PIK3R2: variants seen among roughly 807,000 people sequenced by gnomAD.
The protein encoded by PIK3R2 is phosphatidylinositol 3-kinase regulatory subunit beta.
PIK3R2 carries 40 observed loss-of-function variants against 78.5 expected under a neutral mutation model. The ratio of observed to expected loss-of-function variants is 0.51; its 90% confidence interval spans 0.40 to 0.66. The LOEUF (loss-of-function observed/expected upper bound fraction) is 0.66. Among genes scored for constraint, PIK3R2 ranks in the 30% least tolerant of loss-of-function variants. The pLI is 0.00. For missense variants in PIK3R2, 880 were observed against 1,026.6 expected, an observed-to-expected ratio of 0.86 and a Z score of 1.95; for synonymous variants, 473 against 457.7, an observed-to-expected ratio of 1.03 and a Z score of -0.43.
chr19:18,165,362 CAAAAAAAA>C (rs33933785), intron 11 of PIK3R2, among the ~76,000 whole-genome samples: 2 of 80,986 alleles, frequency 2.5e-5, no homozygotes, highest in African/African-American at 5.2e-5. Context: ...GACTCCGTCT[CAAAAAAAA>C]AAAAAAAAAA....
chr19:18,161,206 G>T lies in PIK3R2; in HGVS notation c.598+21G>T. 1 of 1,535,916 alleles carries T rather than the reference G, an allele frequency of 6.5e-7. No homozygotes were observed. Among genetic ancestry groups the T allele is most frequent in the Non-Finnish European group, 8.8e-7 (1 of 1,142,044 alleles). On this transcript the variant is annotated intron_variant, in intron 5 of 15. Transcript: ENST00000222254. The surrounding 1 kb of genome is among the most constrained non-coding windows in gnomAD (Gnocchi z 5.3). ...GCGGGGTGAGCCTGGCGGGTAGCCC[G>T]GGGGAAGGAGGGGGCTGTAGCGGGT...
Position 18,169,707 on chromosome 19 carries a change from A to C in PIK3R2, c.*413A>C. The C allele has an allele frequency of 4.7e-6, 1 of 212,542 alleles. No homozygotes were observed. The highest frequency in any genetic ancestry group is 9.5e-6 in the Non-Finnish European group (1 of 105,116). 13.2% of individuals were successfully genotyped at this position (212,542 alleles called of 1,614,324 possible). A position where few individuals can be genotyped will look rare whatever the true frequency, so the allele number is the denominator to read the frequency against. On this transcript the variant is annotated 3_prime_UTR_variant, in exon 16 of 16. Coordinates refer to ENST00000222254, the MANE Select transcript of PIK3R2 (RefSeq NM_005027.4). ...TGGGCTGCGCGGCCCCAGCCTGGGC[A>C]CCCTGATTTTTAAGCCATAGACCTG...
In PIK3R2 at chr19:18,163,353, G is replaced by T; in HGVS notation, c.1381G>T (p.Asp461Tyr). ...QQYQDKSREY[D>Y]QLYEEYTRTS... ...GTACCAGGACAAGAGCCGCGAGTAT[G>T]ACCAGCTTTATGAAGAGTACACACG... Residue 461 changes from aspartate (D) to tyrosine (Y), a missense_variant, in exon 11 of 16, where the codon GAC becomes TAC. Around this residue, in one of 3 missense-constraint regions of PIK3R2, gnomAD observed 156 missense variants for 241.0 expected, o/e 0.65. Coordinates refer to ENST00000222254, the MANE Select transcript of PIK3R2 (RefSeq NM_005027.4). The T allele has an allele frequency of 1.2e-6, 2 of 1,614,062 alleles. No individual in the cohort carries two copies. The highest frequency in any genetic ancestry group is 2.2e-5 in the South Asian group (2 of 91,052).
chr19:18,158,205 C>T lies in PIK3R2; in HGVS notation c.322+2004C>T, dbSNP rs114985659. 1.4e-3 allele frequency among the ~76,000 whole-genome samples: 214 copies of T among 152,176 alleles called. 1 individual carries two copies. The highest frequency in any genetic ancestry group is 5.0e-3 in the African/African-American group (207 of 41,528). The stretch of plus-strand genomic sequence containing the variant: ...TTTGTTTGCATCAAGAAGGGAGAAG[C>T]GGGCCGGGCACAGTGGTTCATGCCT... On this transcript the variant is annotated intron_variant, in intron 2 of 15. Coordinates refer to ENST00000222254, the MANE Select transcript of PIK3R2 (RefSeq NM_005027.4).
chr19:18,168,733 G>T lies in PIK3R2; in HGVS notation c.1816G>T (p.Ala606Ser), dbSNP rs369303652. ...GIKNETEDQYALMEDEDDLPH... is the reference protein window; with the variant it reads ...GIKNETEDQYSLMEDEDDLPH... The stretch of plus-strand genomic sequence containing the variant: ...CACCGCCCCCCACCCCAGCCAGTAC[G>T]CACTCATGGAGGACGAGGACGATCT... Residue 606 changes from alanine to serine, a missense_variant, in exon 15 of 16, where the codon GCA (alanine) becomes TCA (serine). This residue lies in a region of PIK3R2 where 268 missense variants were observed against 299.1 expected (regional missense o/e 0.90). Coordinates refer to ENST00000222254, the MANE Select transcript of PIK3R2 (RefSeq NM_005027.4). This position sits in a 1 kb window ranked among gnomAD's most constrained non-coding sequence, Gnocchi z 4.1. The T allele has an allele frequency of 1.3e-6, 2 of 1,545,180 alleles. No individual in the cohort carries two copies. Among genetic ancestry groups the T allele is most frequent in the Non-Finnish European group, 1.8e-6 (2 of 1,124,668 alleles).
In PIK3R2 at chr19:18,160,580, C is replaced by CT. The variant is rs200295171; in HGVS notation, c.415+18dup. On this transcript the variant is annotated intron_variant, in intron 3 of 15. Coordinates refer to ENST00000222254, the MANE Select transcript of PIK3R2 (RefSeq NM_005027.4). ...AAAGGACAGGTAAGTTCCAGCCTGGCTGCAGCCCCTGGATTCTGCTTGCTT... is the reference window on the plus strand; with the variant it reads ...AAAGGACAGGTAAGTTCCAGCCTGGCTTGCAGCCCCTGGATTCTGCTTGCTT... 13,530 of 1,580,566 alleles carry CT rather than the reference C, an allele frequency of 8.6e-3. 58 individuals carry two copies. Among genetic ancestry groups the CT allele is most frequent in the Non-Finnish European group, 0.01 (11,818 of 1,151,972 alleles).
Position 18,161,967 on chromosome 19 carries a change from A to T in PIK3R2, c.817A>T (p.Ser273Cys), listed in dbSNP as rs147990742. The change falls in exon 7 of 16, where the codon AGT (serine) becomes TGT (cysteine). Residue 273 changes from serine to cysteine, a missense_variant and splice_region_variant. Transcript: ENST00000222254. The surrounding 1 kb of genome is among the most constrained non-coding windows in gnomAD (Gnocchi z 5.3). The part of the protein sequence containing the change: ...SPPPGGAPDG[S>C]EPSPDFPALL... ...CACCACACTCCCCTTCCCCCTAAGG[A>T]GTGAGCCCAGCCCTGACTTCCCGGC... is the stretch of plus-strand genomic sequence containing the variant. 4.0e-4 allele frequency: 650 copies of T among 1,613,712 alleles called. 3 individuals carry two copies. The highest frequency in any genetic ancestry group is 2.2e-3 in the Admixed American group (134 of 60,002).
At position 18,167,583 on chromosome 19, in the gene PIK3R2, A is replaced by G. The variant is rs575654339; in HGVS notation, c.1736+277A>G. Among the ~76,000 whole-genome samples, 37 of 152,096 alleles carry G rather than the reference A, an allele frequency of 2.4e-4. No individual in the cohort carries two copies. Among genetic ancestry groups the G allele is most frequent in the African/African-American group, 6.3e-4 (26 of 41,478 alleles). On this transcript the variant is annotated intron_variant, in intron 13 of 15. Transcript: ENST00000222254. This position sits in a 1 kb window ranked among gnomAD's most constrained non-coding sequence, Gnocchi z 4.5. ...AAAAATTCCTGCTGGGCTGGGCGCA[A>G]TGGCTCACACCTGTAATCCCAGCAC... is the stretch of plus-strand genomic sequence containing the variant.
intron 1 of PIK3R2, among the ~76,000 whole-genome samples, chr19:18,154,722 G>A (rs781475711): frequency 6.6e-6 from 1 of 151,994 alleles, no homozygotes; most frequent in African/African-American, 2.4e-5. Flanking sequence ...CCTACTGCAC[G>A]GCCCTAGATA....
intron 11 of PIK3R2, among the ~76,000 whole-genome samples, chr19:18,164,072 G>A (rs2043781968): frequency 6.7e-6 from 1 of 150,286 alleles, no homozygotes; most frequent in Non-Finnish European, 1.5e-5. Flanking sequence ...ATTGCAATGA[G>A]CCAAGATCGT....
rs1967158448 is a variant in PIK3R2, at chr19:18,170,377, T to C, written c.*1083T>C. On this transcript the variant is annotated 3_prime_UTR_variant, in exon 16 of 16. Transcript: ENST00000222254. ...GATCATGTTGGGTTTTGATTCTGTT[T>C]TTCCTTGACTGCAAAACCCTCTTTC... 6.6e-6 allele frequency: 1 copy of C among 152,104 alleles called. No individual in the cohort carries two copies. The highest frequency in any genetic ancestry group is 2.1e-4 in the South Asian group (1 of 4,830). The allele number at this position is 152,104 out of a possible 1,614,324, so 9.4% of individuals were successfully genotyped here.
At position 18,167,139 on chromosome 19, in the gene PIK3R2, G is replaced by A. The variant is rs1309795760; in HGVS notation, c.1569G>A (p.Leu523=). 1 of 1,586,124 alleles carries A rather than the reference G, an allele frequency of 6.3e-7. No individual in the cohort carries two copies. Among genetic ancestry groups the A allele is most frequent in the East Asian group, 2.3e-5 (1 of 43,492 alleles). The change falls in exon 13 of 16, where the codon CTG becomes CTA. Residue 523 remains leucine, a synonymous_variant. Coordinates refer to ENST00000222254, the MANE Select transcript of PIK3R2 (RefSeq NM_005027.4). This position sits in a 1 kb window ranked among gnomAD's most constrained non-coding sequence, Gnocchi z 4.5. ...CCCACCCCTCCCACAGGATCCTGCT[G>A]AACTCCGAGCGGCTCAAGTCCCGCA... ...GNEKEMQRIL[L]NSERLKSRIA...
chr19:18,161,356 C>G lies in PIK3R2; in HGVS notation c.676C>G (p.Leu226Val). 5 of 1,305,254 alleles carry G rather than the reference C, an allele frequency of 3.8e-6. No homozygotes were observed. The highest frequency in any genetic ancestry group is 4.9e-6 in the Non-Finnish European group (5 of 1,030,074). 80.9% of individuals were successfully genotyped at this position (1,305,254 alleles called of 1,614,324 possible). A position where few individuals can be genotyped will look rare whatever the true frequency, so the allele number is the denominator to read the frequency against. Residue 226 changes from leucine (L) to valine (V), a missense_variant, in exon 6 of 16, where the codon CTC (leucine) becomes GTC (valine). Coordinates refer to ENST00000222254, the MANE Select transcript of PIK3R2 (RefSeq NM_005027.4). This position sits in a 1 kb window ranked among gnomAD's most constrained non-coding sequence, Gnocchi z 5.3. ...LHRALTLRFL[L>V]QHLGRVASRA... Reference sequence around the variant, plus strand: ...CCGCGCGCTCACGCTGCGCTTCCTGCTCCAGCACCTGGGCCGCGTGGCCAG... The same window carrying G: ...CCGCGCGCTCACGCTGCGCTTCCTGGTCCAGCACCTGGGCCGCGTGGCCAG...
intron 15 of PIK3R2, 52 bp from the exon 16 acceptor site, chr19:18,169,035 A>T: frequency 6.3e-7 from 1 of 1,582,656 alleles, no homozygotes; most frequent in East Asian, 2.3e-5. Flanking sequence ...GAACGGGGAA[A>T]GCTTGGCGGG....
chr19:18,154,025 A>T (rs1052249523), intron 1 of PIK3R2, among the ~76,000 whole-genome samples: 2 of 150,800 alleles, frequency 1.3e-5, no homozygotes, highest in Non-Finnish European at 3.0e-5. Context: ...TCCACCTGAC[A>T]CTCGGGCCTC....
rs144724077 is a variant in PIK3R2 at position 18,163,316 on chromosome 19, C to G, written c.1344C>G (p.Val448=). ...AGGCAGTGGGCGCCCAGCTTAAGGT[C>G]TATCACCAGCAGTACCAGGACAAGA... ...SVEAVGAQLK[V]YHQQYQDKSR... is the part of the protein sequence containing the mutation. Residue 448 remains valine, a synonymous_variant, in exon 11 of 16, where the codon GTC becomes GTG. Coordinates refer to ENST00000222254, the MANE Select transcript of PIK3R2 (RefSeq NM_005027.4). 78 of 1,613,932 alleles carry G rather than the reference C, an allele frequency of 4.8e-5. No individual in the cohort carries two copies. The highest frequency in any genetic ancestry group is 1.3e-4 in the African/African-American group (10 of 74,886).
At chr19:18,157,215 A>G (rs1237436534) in intron 2 of PIK3R2, among the ~76,000 whole-genome samples, 4 of 152,200 alleles carry the variant, frequency 2.6e-5, no homozygotes, top group Non-Finnish European at 5.9e-5. Context: ...GCCTCCAGGC[A>G]TCTGGTATCT....
rs767770222 is a variant in PIK3R2, at chr19:18,169,263, C to T, written c.2156C>T (p.Pro719Leu). The change falls in exon 16 of 16, where the codon CCG becomes CTG. Residue 719 changes from proline to leucine, a missense_variant. Coordinates refer to ENST00000222254, the MANE Select transcript of PIK3R2 (RefSeq NM_005027.4). The stretch of plus-strand genomic sequence containing the variant: ...ACCCTGGCGCACCCAGTGCGCGCCC[C>T]GGGCCCCGGCCCGCCGCCTGCCGCC... ...TVTLAHPVRAPGPGPPPAAR is the reference protein window; with the variant it reads ...TVTLAHPVRALGPGPPPAAR 7.2e-6 allele frequency: 11 copies of T among 1,534,966 alleles called. No homozygotes were observed. Among genetic ancestry groups the T allele is most frequent in the African/African-American group, 1.4e-5 (1 of 72,266 alleles).
At chr19:18,158,817 T>C (rs78550367) in intron 2 of PIK3R2, among the ~76,000 whole-genome samples, 1,692 of 152,202 alleles carry the variant, frequency 0.011, 23 homozygotes, top group African/African-American at 0.038. Flanking sequence ...GGAAATGTTA[T>C]TTATTAATTA....
Sources: allele counts gnomAD v4.1 joint callset (sites outside exome capture counted in the v4.1 genomes callset), GRCh38; gene constraint gnomAD v4.1.1; regional missense constraint gnomAD v4.1.1; non-coding constraint Gnocchi (gnomAD v3.1); transcripts MANE v1.5; gene names NCBI Gene and HGNC (gene_info 2026-07-23, HGNC 2026-07-21).